DHRSX: variants seen among roughly 807,000 people sequenced by gnomAD.
DHRSX encodes the protein polyprenol dehydrogenase.
DHRSX carries 31 observed loss-of-function variants against 34.0 expected under a neutral mutation model. That is an observed-to-expected ratio of 0.91 (90% confidence interval 0.69 to 1.23). The LOEUF (loss-of-function observed/expected upper bound fraction) is 1.23. Ranked by LOEUF, DHRSX falls within the 50% of genes most tolerant of loss-of-function variation. The pLI is 0.00. For missense variants in DHRSX, 414 were observed against 428.1 expected, an observed-to-expected ratio of 0.97 and a Z score of 0.29; for synonymous variants, 201 against 183.8, an observed-to-expected ratio of 1.09 and a Z score of -0.76.
rs140988145 is a variant in DHRSX, at chrX:2,221,127, G to A, written c.907C>T (p.Leu303Phe). The change falls in exon 7 of 7, where the codon CTC (leucine) becomes TTC (phenylalanine). Residue 303 changes from leucine to phenylalanine, a missense_variant. Leu to Phe is a conservative substitution (Grantham distance 22, BLOSUM62 0). Transcript: ENST00000334651. ...YLYNEKETKSLHVTYNQKLQQ... is the reference protein window; with the variant it reads ...YLYNEKETKSFHVTYNQKLQQ... ...AGTTTCTGGTTGTAGGTGACGTGGA[G>A]GGACTTGGTCTCTTTCTCGTTGTAT... The A allele has an allele frequency of 7.3e-5, 118 of 1,613,896 alleles. No homozygotes were observed. The African/African-American group carries it at 1.3e-3, about 17-fold the overall frequency.
At chrX:2,486,264 G>C (rs1410416128) in intron 1 of DHRSX, 1 of 152,158 alleles carries the variant, frequency 6.6e-6, no homozygotes, top group Non-Finnish European at 1.5e-5. Context: ...AGACAAGAAA[G>C]AGGAGCACAG....
At chrX:2,345,828 C>G (rs2042701667) in intron 3 of DHRSX, among the ~76,000 whole-genome samples, 2 of 152,184 alleles carry the variant, frequency 1.3e-5, no homozygotes, top group Admixed American at 6.5e-5. Flanking sequence ...CCAACTACAT[C>G]ATCAGCTCCT....
At chrX:2,482,082 C>T (rs1022313139) in intron 1 of DHRSX, among the ~76,000 whole-genome samples, 3 of 150,434 alleles carry the variant, frequency 2.0e-5, no homozygotes, top group Admixed American at 6.6e-5. Flanking sequence ...CCTTCAGCCT[C>T]AGCCTCCCAA....
At chrX:2,345,629 T>C (rs2042697985) in intron 3 of DHRSX, among the ~76,000 whole-genome samples, 1 of 134,318 alleles carries the variant, frequency 7.4e-6, no homozygotes, top group Non-Finnish European at 1.6e-5. Context: ...TACCCCAGCC[T>C]GGGCAACAAG....
chrX:2,403,753 G>A (rs2043517281), intron 3 of DHRSX, among the ~76,000 whole-genome samples: 2 of 151,828 alleles, frequency 1.3e-5, no homozygotes, highest in South Asian at 2.1e-4. Context: ...TTACTCGGGA[G>A]GCTGAGGCAG....
At chrX:2,402,764 A>G (rs954926319) in intron 3 of DHRSX, among the ~76,000 whole-genome samples, 1 of 152,056 alleles carries the variant, frequency 6.6e-6, no homozygotes, top group Non-Finnish European at 1.5e-5. Flanking sequence ...ATAATGAGGT[A>G]TTTTGATACA....
chrX:2,308,564 C>T (rs1222596884), intron 3 of DHRSX, among the ~76,000 whole-genome samples: 1 of 152,162 alleles, frequency 6.6e-6, no homozygotes, highest in East Asian at 1.9e-4. Context: ...TGGTTTGGAT[C>T]TGTGTAACCA....
chrX:2,290,098 T>C (rs756819913), intron 4 of DHRSX, among the ~76,000 whole-genome samples: 1 of 152,334 alleles, frequency 6.6e-6, no homozygotes, highest in Non-Finnish European at 1.5e-5. Flanking sequence ...TAGCTATGTC[T>C]GTACAAATTT....
rs746908948 is a variant in DHRSX, at chrX:2,454,986, C to T, written c.110-29682G>A. Among the ~76,000 whole-genome samples the T allele has an allele frequency of 7.2e-5, 11 of 151,958 alleles. No individual in the cohort carries two copies. In the East Asian group the frequency reaches 1.7e-3, roughly 24 times the overall value. ...AATTAGCTGGGCGTGGTGGCATGCA[C>T]CTGTAATCTCAGCTACTCAGAAGGC... On this transcript the variant is annotated intron_variant, in intron 1 of 6. Transcript: ENST00000334651.
chrX:2,239,570 C>T (rs897857071), intron 6 of DHRSX, among the ~76,000 whole-genome samples: 7 of 151,348 alleles, frequency 4.6e-5, no homozygotes, highest in African/African-American at 7.3e-5. Context: ...TCCTGGCCAA[C>T]ATGGTGAAAC....
At chrX:2,332,225 T>G (rs1569490183) in intron 3 of DHRSX, among the ~76,000 whole-genome samples, 2 of 152,270 alleles carry the variant, frequency 1.3e-5, no homozygotes, top group East Asian at 3.9e-4. Flanking sequence ...ATGGTGACAT[T>G]GCTGAAAGGT....
intron 1 of DHRSX, among the ~76,000 whole-genome samples, chrX:2,453,508 C>CA (rs1253268801): frequency 6.6e-6 from 1 of 151,390 alleles, no homozygotes; most frequent in South Asian, 2.1e-4. Flanking sequence ...ACCATCTCTA[C>CA]AAAAAATTTA....
intron 3 of DHRSX, among the ~76,000 whole-genome samples, chrX:2,345,774 T>C (rs1389916698): frequency 6.6e-6 from 1 of 152,150 alleles, no homozygotes; most frequent in Non-Finnish European, 1.5e-5. Context: ...AGACTAATGT[T>C]ACCTGAGCCA....
chrX:2,422,457 T>G (rs1156967835), intron 2 of DHRSX, among the ~76,000 whole-genome samples: 2 of 151,842 alleles, frequency 1.3e-5, no homozygotes, highest in Non-Finnish European at 2.9e-5. Context: ...GAGACGGGGT[T>G]TCACCATGTT....
At chrX:2,481,162 C>T (rs5939474) in intron 1 of DHRSX, among the ~76,000 whole-genome samples, 151,001 of 152,316 alleles carry the variant, frequency 0.99, 74,850 homozygotes, top group Middle Eastern at 1. Context: ...AACATCACGT[C>T]GTACCTCCTA....
intron 3 of DHRSX, among the ~76,000 whole-genome samples, chrX:2,397,237 C>T (rs1178015942): frequency 3.9e-5 from 6 of 152,078 alleles, no homozygotes; most frequent in Admixed American, 6.6e-5. Context: ...TGGGCTCAAG[C>T]GATCCTCCTG....
intron 1 of DHRSX, among the ~76,000 whole-genome samples, chrX:2,498,861 C>T (rs1479395972): frequency 6.6e-6 from 1 of 152,156 alleles, no homozygotes; most frequent in East Asian, 1.9e-4. Context: ...CACCTTGCAA[C>T]TGATTACTTA....
chrX:2,480,795 G>C (rs2044757262), intron 1 of DHRSX, among the ~76,000 whole-genome samples: 1 of 151,822 alleles, frequency 6.6e-6, no homozygotes, highest in African/African-American at 2.4e-5. Flanking sequence ...TCCAGCCTGG[G>C]TGATAGGGTG....
intron 3 of DHRSX, among the ~76,000 whole-genome samples, chrX:2,322,701 T>C (rs1429222805): frequency 6.8e-6 from 1 of 148,076 alleles, no homozygotes; most frequent in Non-Finnish European, 1.5e-5. Context: ...CAAACAGCAT[T>C]TTCTTTTCTC....
Sources: allele counts gnomAD v4.1 joint callset (sites outside exome capture counted in the v4.1 genomes callset), GRCh38; gene constraint gnomAD v4.1.1; transcripts MANE v1.5; gene names NCBI Gene and HGNC (gene_info 2026-07-23, HGNC 2026-07-21).